The following TMX2 variants were observed in gnomAD, a reference collection of about 807,000 sequenced individuals.
TMX2 encodes the protein thioredoxin related transmembrane protein 2, also known as thioredoxin-related transmembrane protein 2.
TMX2 carries 20 observed loss-of-function variants against 33.4 expected under a neutral mutation model. That is an observed-to-expected ratio of 0.60 (90% CI 0.42 to 0.87). The LOEUF (loss-of-function observed/expected upper bound fraction) is 0.87, where lower values mean the gene tolerates loss of function less well. TMX2 is among the 40% of genes least tolerant of loss of function. The pLI, the probability that TMX2 is intolerant of heterozygous loss-of-function variation, is 0.00. For missense variants in TMX2, 340 were observed against 370.7 expected, an observed-to-expected ratio of 0.92 and a Z score of 0.68; for synonymous variants, 166 against 140.7, an observed-to-expected ratio of 1.18 and a Z score of -1.27.
chr11:57,717,644 A>G (rs1209108580), intron 1 of TMX2, among the ~76,000 whole-genome samples: 1 of 145,804 alleles, frequency 6.9e-6, no homozygotes, highest in Non-Finnish European at 1.5e-5. Flanking sequence ...GTGAGCCGAG[A>G]TGGCAGCAGT....
chr11:57,722,806 A>G (rs1050403983), intron 1 of TMX2, among the ~76,000 whole-genome samples: 10 of 152,208 alleles, frequency 6.6e-5, no homozygotes, highest in Non-Finnish European at 1.2e-4. Flanking sequence ...GAAACATAAA[A>G]TATGCTTTTA....
At chr11:57,718,945 G>T (rs999806474) in intron 1 of TMX2, among the ~76,000 whole-genome samples, 4 of 150,452 alleles carry the variant, frequency 2.7e-5, no homozygotes, top group African/African-American at 7.3e-5. Flanking sequence ...GTGAGCCACC[G>T]CGCCCAGCCA....
chr11:57,718,179 C>T, intron 1 of TMX2: 1 of 1,280,330 alleles, frequency 7.8e-7, no homozygotes, highest in South Asian at 1.2e-5. Context: ...CAACCACTCA[C>T]TCTTGGCAGT....
At chr11:57,732,294 T>C (rs997971680) in intron 1 of TMX2, among the ~76,000 whole-genome samples, 1 of 152,204 alleles carries the variant, frequency 6.6e-6, no homozygotes, top group Non-Finnish European at 1.5e-5. Flanking sequence ...TTTGTACTTT[T>C]TCCAGCCCCC....
At chr11:57,732,188 G>T (rs769322450) in intron 1 of TMX2, among the ~76,000 whole-genome samples, 1 of 152,106 alleles carries the variant, frequency 6.6e-6, no homozygotes, top group African/African-American at 2.4e-5. Flanking sequence ...CCTTTTGTCA[G>T]CTCATTTTCA....
intron 2 of TMX2, 70 bp from the exon 3 acceptor site, chr11:57,737,843 T>C: frequency 6.2e-7 from 1 of 1,614,060 alleles, no homozygotes; most frequent in Middle Eastern, 1.6e-4. Flanking sequence ...AAGTGCCCCA[T>C]GAAGAGGGAC....
intron 1 of TMX2, among the ~76,000 whole-genome samples, chr11:57,727,300 A>G (rs1460099805): frequency 6.6e-6 from 1 of 152,086 alleles, no homozygotes; most frequent in Non-Finnish European, 1.5e-5. Flanking sequence ...GACTCTAGAA[A>G]CAAGCCTTCC....
chr11:57,718,292 C>A, intron 1 of TMX2: 1 of 1,546,506 alleles, frequency 6.5e-7, no homozygotes, highest in African/African-American at 1.4e-5. Flanking sequence ...CATCAAATTT[C>A]TCCCCATAGA....
In TMX2 at chr11:57,716,107, C is replaced by T. The variant is rs2135456190; in HGVS notation, c.189+3300C>T. ...TCAATGAGCTGTTGGGTACACCTCC[C>T]AGACGGGGTGGTGGCTGGGCAGAGG... On this transcript the variant is annotated intron_variant, in intron 1 of 7. Transcript: ENST00000278422. 3.3e-5 allele frequency among the ~76,000 whole-genome samples: 5 copies of T among 152,236 alleles called. No individual in the cohort carries two copies. In the South Asian group the frequency reaches 1.0e-3, roughly 32 times the overall value.
intron 1 of TMX2, 45 bp downstream of exon 1, chr11:57,712,852 G>A (rs1946702099): frequency 3.1e-6 from 5 of 1,608,248 alleles, no homozygotes; most frequent in Non-Finnish European, 4.3e-6. Context: ...GACTGTCCCT[G>A]CCCTTGCAGG....
chr11:57,718,509 CAAA>C (rs1947328520), intron 1 of TMX2: 1 of 792,778 alleles, frequency 1.3e-6, no homozygotes, highest in Non-Finnish European at 2.2e-6. Context: ...ACGGTGATGT[CAAA>C]GAACACGGGG....
intron 1 of TMX2, among the ~76,000 whole-genome samples, chr11:57,730,419 CTG>C (rs1948292893): frequency 1.7e-5 from 1 of 58,452 alleles, no homozygotes; most frequent in Admixed American, 3.0e-4. Flanking sequence ...AAGAGTGAAA[CTG>C]TCTTTAAAAA....
At chr11:57,716,556 GCCGGGCGGGGGGCTGACCCCACCTCCCTC>G (rs1947069668) in intron 1 of TMX2, among the ~76,000 whole-genome samples, 1 of 131,490 alleles carries the variant, frequency 7.6e-6, no homozygotes, top group Admixed American at 7.3e-5. Flanking sequence ...GGGGCGGCTG[GCCGGGCGGGGGGCTGACCCCACCTCCCTC>G]CCGGACGGGG....
chr11:57,736,180 C>T lies in TMX2; in HGVS notation c.190-1428C>T, dbSNP rs572381180. Among the ~76,000 whole-genome samples the T allele has an allele frequency of 3.9e-5, 6 of 152,206 alleles. No individual in the cohort carries two copies. The South Asian group carries it at 1.2e-3, about 32-fold the overall frequency. ...TTCAGGGCTTAGAATTCTATTACTT[C>T]TCAGTGTCTTTGTCATGTTTATTGT... On this transcript the variant is annotated intron_variant, in intron 1 of 7. Coordinates refer to ENST00000278422, the MANE Select transcript of TMX2 (RefSeq NM_015959.4).
Position 57,712,721 on chromosome 11 carries a change from G to A in TMX2, c.103G>A (p.Ala35Thr), listed in dbSNP as rs888709341. ...CCTTCTGTCGGCCCTGCTCTCTGCT[G>A]CCTTCCTACTCGTGAGGAAACTGCC... The part of the protein sequence containing the change: ...YYLLSALLSA[A>T]FLLVRKLPPL... The change falls in exon 1 of 8, where the codon GCC becomes ACC. Residue 35 changes from alanine to threonine, a missense_variant. Ala to Thr is a moderately conservative substitution (Grantham distance 58). This residue lies in a region of TMX2 where 106 missense variants were observed against 82.7 expected (regional missense o/e 1.28). Transcript: ENST00000278422. 1 of 1,614,042 alleles carries A rather than the reference G, an allele frequency of 6.2e-7. No individual in the cohort carries two copies. Among genetic ancestry groups the A allele is most frequent in the Non-Finnish European group, 8.5e-7 (1 of 1,180,036 alleles).
intron 1 of TMX2, among the ~76,000 whole-genome samples, chr11:57,716,317 G>A (rs1479785519): frequency 8.7e-5 from 11 of 126,180 alleles, no homozygotes; most frequent in Admixed American, 3.9e-4. Context: ...CCTCCCTCCC[G>A]GACGGGGCGG....
At chr11:57,721,905 G>A (rs1331914649) in intron 1 of TMX2, among the ~76,000 whole-genome samples, 2 of 152,144 alleles carry the variant, frequency 1.3e-5, no homozygotes, top group East Asian at 3.8e-4. Context: ...GCCCTCCCTG[G>A]ATTGGACTTG....
intron 1 of TMX2, among the ~76,000 whole-genome samples, chr11:57,720,565 T>A (rs996944777): frequency 2.6e-5 from 4 of 152,210 alleles, no homozygotes; most frequent in Non-Finnish European, 4.4e-5. Flanking sequence ...CACACACGGC[T>A]AATTTTTGTA....
chr11:57,725,947 G>A (rs1037001153), intron 1 of TMX2, among the ~76,000 whole-genome samples: 2 of 152,006 alleles, frequency 1.3e-5, no homozygotes, highest in Non-Finnish European at 2.9e-5. Context: ...AAAGCCTCCT[G>A]GGTATAATAC....
Sources: allele counts gnomAD v4.1 joint callset (sites outside exome capture counted in the v4.1 genomes callset), GRCh38; gene constraint gnomAD v4.1.1; regional missense constraint gnomAD v4.1.1; transcripts MANE v1.5; gene names NCBI Gene and HGNC (gene_info 2026-07-23, HGNC 2026-07-21).